The following ZNF442 variants were observed in gnomAD, a reference collection of about 807,000 sequenced individuals.
ZNF442 encodes the protein zinc finger protein 442.
In ZNF442, 45 loss-of-function variants were observed where a neutral mutation model predicts 57.0. That is an observed-to-expected ratio of 0.79 (90% CI 0.62 to 1.01). ZNF442 has a LOEUF of 1.01. ZNF442 is among the 50% of genes least tolerant of loss of function. The pLI is 0.00. For synonymous variants in ZNF442, 213 were observed against 241.8 expected (o/e 0.88, Z 1.10); for missense variants, 690 against 756.5 (o/e 0.91, Z 1.03).
upstream of ZNF442, among the ~76,000 whole-genome samples, chr19:12,366,109 A>C (rs1969527188): frequency 6.6e-6 from 1 of 152,210 alleles, no homozygotes; most frequent in African/African-American, 2.4e-5. Context: ...TCAGGAATTT[A>C]GGATGAGACT....
At position 12,351,064 on chromosome 19, in the gene ZNF442, G is replaced by T. The variant is rs778245061; in HGVS notation, c.521C>A (p.Pro174His). Reference sequence around the variant, plus strand: ...ATCATAGCGTTTCTTTCCAGTGTGAGGTCTTTCCTGTGTTTGAAAGGAGTG... The same window carrying T: ...ATCATAGCGTTTCTTTCCAGTGTGATGTCTTTCCTGTGTTTGAAAGGAGTG... ...YHHSFQTQERPHTGKKRYDCK... is the reference protein window; with the variant it reads ...YHHSFQTQERHHTGKKRYDCK... Residue 174 changes from proline (P) to histidine (H), a missense_variant, in exon 6 of 6, where the codon CCT (proline) becomes CAT (histidine). Physicochemically the swap from Pro to His is moderately conservative, Grantham distance 77. Coordinates refer to ENST00000242804, the MANE Select transcript of ZNF442 (RefSeq NM_030824.3). 2.5e-6 allele frequency: 4 copies of T among 1,614,060 alleles called. No individual in the cohort carries two copies. In the African/African-American group the frequency reaches 5.3e-5, roughly 22 times the overall value.
chr19:12,363,158 CAAAAA>C (rs886442784), intron 3 of ZNF442, among the ~76,000 whole-genome samples: 1 of 60,674 alleles, frequency 1.6e-5, no homozygotes. Flanking sequence ...AGCTCCGTCT[CAAAAA>C]AAAAAAAAAA....
chr19:12,353,027 C>T lies in ZNF442; in HGVS notation c.166G>A (p.Asp56Asn), dbSNP rs757043215. Residue 56 changes from aspartate (D) to asparagine (N), a missense_variant, in exon 4 of 6, where the codon GAT becomes AAT. Coordinates refer to ENST00000242804, the MANE Select transcript of ZNF442 (RefSeq NM_030824.3). ...TTCCTAATGGTTTCCCACATCACAT[C>T]TCTGTACAGACTCTTCTGTGATGGA... Reference protein sequence around the residue: ...LGPSQKSLYRDVMWETIRNLD... With the variant: ...LGPSQKSLYRNVMWETIRNLD... 7 of 1,613,270 alleles carry T rather than the reference C, an allele frequency of 4.3e-6. No individual in the cohort carries two copies. The highest frequency in any genetic ancestry group is 5.9e-6 in the Non-Finnish European group (7 of 1,179,784).
intron 3 of ZNF442, among the ~76,000 whole-genome samples, chr19:12,360,752 C>A (rs959958116): frequency 1.3e-5 from 2 of 151,878 alleles, no homozygotes; most frequent in South Asian, 2.1e-4. Context: ...TGGTGGTGGG[C>A]GCCTGTAATC....
At position 12,351,287 on chromosome 19, in the gene ZNF442, G is replaced by A. The variant is rs140568989; in HGVS notation, c.298C>T (p.Arg100Cys). 507 of 1,613,622 alleles carry A rather than the reference G, an allele frequency of 3.1e-4. 2 individuals are homozygous for A. In the African/African-American group the frequency reaches 3.9e-3, roughly 12 times the overall value. ...TCATTCACAGTACTATCTGGCTGGCGACTTTCACTAAATCTCTCTATGATA... is the reference window on the plus strand; with the variant it reads ...TCATTCACAGTACTATCTGGCTGGCAACTTTCACTAAATCTCTCTATGATA... ...CHIIERFSES[R>C]QPDSTVNEKP... Residue 100 changes from arginine (R) to cysteine (C), a missense_variant, in exon 6 of 6, where the codon CGC becomes TGC. Arg to Cys is a radical substitution (Grantham distance 180, BLOSUM62 -3). Coordinates refer to ENST00000242804, the MANE Select transcript of ZNF442 (RefSeq NM_030824.3).
chr19:12,368,478 G>T (rs1969555922), upstream of ZNF442, among the ~76,000 whole-genome samples: 3 of 152,154 alleles, frequency 2.0e-5, no homozygotes, highest in South Asian at 6.2e-4. Flanking sequence ...GCTTCAGCCG[G>T]TCCCTCCATT....
intron 3 of ZNF442, among the ~76,000 whole-genome samples, chr19:12,354,251 A>T (rs1599589058): frequency 6.6e-6 from 1 of 152,212 alleles, no homozygotes; most frequent in East Asian, 1.9e-4. Flanking sequence ...AGCCAGCAAC[A>T]GGTTTCCTCT....
Position 12,347,614 on chromosome 19 carries a change from G to T in ZNF442, c.*2087C>A, listed in dbSNP as rs938730642. ...CACCTGGCCAAAACTGAAAATGTCA[G>T]CCCCGCCCATAACTTCAACAGAGAA... On this transcript the variant is annotated 3_prime_UTR_variant, in exon 6 of 6. Coordinates refer to ENST00000242804, the MANE Select transcript of ZNF442 (RefSeq NM_030824.3). 6.6e-6 allele frequency: 1 copy of T among 152,234 alleles called. No homozygotes were observed. Among genetic ancestry groups the T allele is most frequent in the African/African-American group, 2.4e-5 (1 of 41,448 alleles). 9.4% of individuals were successfully genotyped at this position (152,234 alleles called of 1,614,324 possible).
chr19:12,352,711 T>C lies in ZNF442; in HGVS notation c.205+277A>G, dbSNP rs184072719. 5.3e-5 allele frequency among the ~76,000 whole-genome samples: 8 copies of C among 152,350 alleles called. No individual in the cohort carries two copies. The East Asian group carries it at 1.2e-3, about 22-fold the overall frequency. On this transcript the variant is annotated intron_variant, in intron 4 of 5. Transcript: ENST00000242804. The stretch of plus-strand genomic sequence containing the variant: ...ATTTATTTTCTCTAGCTTACATTTT[T>C]ATGAGAATATAGTATGCAATATATG...
intron 3 of ZNF442, among the ~76,000 whole-genome samples, chr19:12,356,495 C>T (rs1243715759): frequency 2.0e-5 from 3 of 151,868 alleles, no homozygotes; most frequent in Non-Finnish European, 4.4e-5. Flanking sequence ...GGCATGGTGG[C>T]GGGTGCCTGT....
chr19:12,351,231 GC>G lies in ZNF442; in HGVS notation c.353del (p.Ser118ThrfsTer83). ...AACCCATGATTTCTCCACACACACT[GC>G]TTTTACATGGATCTACTCCAGGAGG... ...EKPPGVDPCK[S>X]SVCGEIMGCS... is the part of the protein sequence containing the mutation. On this transcript the variant is annotated frameshift_variant, in exon 6 of 6. Coordinates refer to ENST00000242804, the MANE Select transcript of ZNF442 (RefSeq NM_030824.3). LOFTEE classifies it high-confidence loss of function. 6.2e-7 allele frequency: 1 copy of G among 1,614,116 alleles called. No homozygotes were observed. Among genetic ancestry groups the G allele is most frequent in the Non-Finnish European group, 8.5e-7 (1 of 1,180,024 alleles).
At chr19:12,360,532 G>A (rs1969406957) in intron 3 of ZNF442, among the ~76,000 whole-genome samples, 1 of 152,240 alleles carries the variant, frequency 6.6e-6, no homozygotes, top group African/African-American at 2.4e-5. Context: ...TACATGGAAA[G>A]TTACTTGGTT....
chr19:12,355,492 G>A (rs531252772), intron 3 of ZNF442, among the ~76,000 whole-genome samples: 1 of 149,318 alleles, frequency 6.7e-6, no homozygotes, highest in East Asian at 2.1e-4. Context: ...CTCCCAAGTA[G>A]CTGAGATTAC....
In ZNF442 at chr19:12,350,640, G is replaced by GT. The variant is rs551604101; in HGVS notation, c.944dup (p.His315GlnfsTer8). The GT allele has an allele frequency of 7.1e-5, 115 of 1,613,864 alleles. No individual in the cohort carries two copies. Among genetic ancestry groups the GT allele is most frequent in the Non-Finnish European group, 9.5e-5 (112 of 1,180,020 alleles). On this transcript the variant is annotated frameshift_variant, in exon 6 of 6. Coordinates refer to ENST00000242804, the MANE Select transcript of ZNF442 (RefSeq NM_030824.3). LOFTEE classifies it high-confidence loss of function. Reference sequence around the variant, plus strand: ...TGCATTCATAGGGTTTCTCTCCAGTGTGAGTTCTTTCATGTATTCGAAGGG... The same window carrying GT: ...TGCATTCATAGGGTTTCTCTCCAGTGTTGAGTTCTTTCATGTATTCGAAGGG...
chr19:12,356,203 G>A (rs759948022), intron 3 of ZNF442, among the ~76,000 whole-genome samples: 5 of 151,858 alleles, frequency 3.3e-5, no homozygotes, highest in African/African-American at 4.8e-5. Context: ...CTGGGGTCAC[G>A]GAGCAAGATT....
chr19:12,372,928 C>T, the ZNF442 span, among the ~76,000 whole-genome samples: 6 of 152,194 alleles, frequency 3.9e-5, no homozygotes, highest in African/African-American at 7.2e-5. Flanking sequence ...CACATGCCAC[C>T]ATGCCCAGCT....
Position 12,351,994 on chromosome 19 carries a change from T to C in ZNF442, c.266+16A>G. 6.2e-7 allele frequency: 1 copy of C among 1,611,562 alleles called. No homozygotes were observed. Among genetic ancestry groups the C allele is most frequent in the Non-Finnish European group, 8.5e-7 (1 of 1,178,606 alleles). On this transcript the variant is annotated intron_variant, in intron 5 of 5. Coordinates refer to ENST00000242804, the MANE Select transcript of ZNF442 (RefSeq NM_030824.3). ...GCTCCACAGATATATGTCTTTCTCTTGTGAGTGCAAATTACCTTAGGCTCC... is the reference window on the plus strand; with the variant it reads ...GCTCCACAGATATATGTCTTTCTCTCGTGAGTGCAAATTACCTTAGGCTCC...
At chr19:12,370,927 C>T in the ZNF442 span, among the ~76,000 whole-genome samples, 3 of 149,116 alleles carry the variant, frequency 2.0e-5, no homozygotes, top group Non-Finnish European at 3.0e-5. Flanking sequence ...GAGCCAAGAC[C>T]GCACCATTGC....
In ZNF442 at chr19:12,350,767, G is replaced by A; in HGVS notation, c.818C>T (p.Ala273Val). The A allele has an allele frequency of 6.2e-7, 1 of 1,614,062 alleles. No homozygotes were observed. The highest frequency in any genetic ancestry group is 1.1e-5 in the South Asian group (1 of 91,076). ...KPYECKHCSK[A>V]FPDYSSYVRH... is the part of the protein sequence containing the mutation. ...TACATAGGAACTGTAATCAGGGAAGGCTTTGGAACAGTGCTTGCATTCATA... is the reference window on the plus strand; with the variant it reads ...TACATAGGAACTGTAATCAGGGAAGACTTTGGAACAGTGCTTGCATTCATA... Residue 273 changes from alanine to valine, a missense_variant, in exon 6 of 6, where the codon GCC (alanine) becomes GTC (valine). Transcript: ENST00000242804.
Sources: allele counts gnomAD v4.1 joint callset (sites outside exome capture counted in the v4.1 genomes callset), GRCh38; gene constraint gnomAD v4.1.1; transcripts MANE v1.5; gene names NCBI Gene and HGNC (gene_info 2026-07-23, HGNC 2026-07-21).